Variants in BLTP1 observed in about 807,000 individuals in gnomAD.
The protein encoded by BLTP1 is fragile site-associated protein.
chr4:122,178,901 A>G, the BLTP1 span, among the ~76,000 whole-genome samples: 1 of 152,214 alleles, frequency 6.6e-6, no homozygotes, highest in African/African-American at 2.4e-5. Flanking sequence ...TTAAGGTTGA[A>G]CAAAATGCGT....
the BLTP1 span, chr4:122,210,812 C>CCTTGAAGA: frequency 1.9e-6 from 3 of 1,545,218 alleles, no homozygotes; most frequent in Admixed American, 4.1e-5. Flanking sequence ...GTGAATATTT[C>CCTTGAAGA]CTTGAAGATC....
chr4:122,232,060 G>A, the BLTP1 span: 68 of 985,320 alleles, frequency 6.9e-5, no homozygotes, highest in African/African-American at 1.1e-3. Context: ...AGCAAGGTGC[G>A]AATGGAACTA....
the BLTP1 span, among the ~76,000 whole-genome samples, chr4:122,283,058 T>C: frequency 1.3e-5 from 2 of 152,178 alleles, no homozygotes; most frequent in Non-Finnish European, 2.9e-5. Context: ...TTTCATGTAA[T>C]TGAATTTACC....
At chr4:122,298,637 A>AC in the BLTP1 span, 1 of 56,536 alleles carries the variant, frequency 1.8e-5, no homozygotes, top group Non-Finnish European at 2.1e-5. Flanking sequence ...TAAAAATTTT[A>AC]CTTACTTCTG....
At chr4:122,354,042 GATTT>G in the BLTP1 span, 1 of 1,600,930 alleles carries the variant, frequency 6.2e-7, no homozygotes, top group Non-Finnish European at 8.5e-7. Context: ...TCTTTGGAGA[GATTT>G]ATTTTGTTTT....
chr4:122,170,330 A>G, the BLTP1 span: 1 of 944,914 alleles, frequency 1.1e-6, no homozygotes, highest in Non-Finnish European at 1.3e-6. Context: ...AAAAAAAAAG[A>G]ATAATCACAT....
the BLTP1 span, chr4:122,325,582 T>A: frequency 8.7e-7 from 1 of 1,153,806 alleles, no homozygotes; most frequent in African/African-American, 1.6e-5. Context: ...TAGAAAGGTT[T>A]TTGTTGAATA....
At chr4:122,280,074 G>T in the BLTP1 span, 1 of 1,586,430 alleles carries the variant, frequency 6.3e-7, no homozygotes, top group Non-Finnish European at 8.5e-7. Flanking sequence ...GGAGATGAAG[G>T]GTTACTTCTA....
the BLTP1 span, chr4:122,349,300 G>A: frequency 3.1e-6 from 5 of 1,612,268 alleles, no homozygotes; most frequent in African/African-American, 6.7e-5. The surrounding 1 kb of genome is among the most constrained non-coding windows in gnomAD (Gnocchi z 4.5). Flanking sequence ...AGATGTCAAT[G>A]CTTTGGAGAT....
chr4:122,180,510 C>T, the BLTP1 span, among the ~76,000 whole-genome samples: 4 of 152,254 alleles, frequency 2.6e-5, no homozygotes, highest in African/African-American at 9.6e-5. Flanking sequence ...ATCCTCACAA[C>T]AACTCTAGTG....
the BLTP1 span, chr4:122,289,752 T>A: frequency 2.1e-6 from 2 of 972,248 alleles, no homozygotes; most frequent in Non-Finnish European, 2.4e-6. Flanking sequence ...GTTAAAAGAA[T>A]TTTTAAGCCA....
chr4:122,220,190 A>G, the BLTP1 span: 2 of 878,926 alleles, frequency 2.3e-6, no homozygotes, highest in East Asian at 5.5e-5. Context: ...GGTACAGAAT[A>G]GTTATTTTTC....
chr4:122,171,907 C>T, the BLTP1 span: 4 of 985,194 alleles, frequency 4.1e-6, no homozygotes, highest in Non-Finnish European at 4.8e-6. Flanking sequence ...CGATTCCTGG[C>T]TTGTTTAATA....
At chr4:122,298,724 G>C in the BLTP1 span, 1 of 435,288 alleles carries the variant, frequency 2.3e-6, no homozygotes, top group African/African-American at 2.1e-5. Flanking sequence ...AAGTTAAGTA[G>C]TATAAATAGA....
chr4:122,259,907 A>G, the BLTP1 span: 1 of 941,168 alleles, frequency 1.1e-6, no homozygotes. Context: ...ATAGACTCAC[A>G]TTGATACCCA....
chr4:122,188,305 T>TA, the BLTP1 span: 37 of 538,054 alleles, frequency 6.9e-5, no homozygotes, highest in African/African-American at 7.3e-4. Flanking sequence ...TGCATGATTA[T>TA]AACTATAATT....
At chr4:122,217,992 T>A in the BLTP1 span, among the ~76,000 whole-genome samples, 1 of 152,198 alleles carries the variant, frequency 6.6e-6, no homozygotes, top group Non-Finnish European at 1.5e-5. Context: ...TTTTCCAGTT[T>A]GTTCACCTAA....
chr4:122,352,820 A>G, the BLTP1 span: 1 of 1,533,690 alleles, frequency 6.5e-7, no homozygotes, highest in South Asian at 1.3e-5. Context: ...GACTGTAGAA[A>G]GTAGCCACTT....
the BLTP1 span, among the ~76,000 whole-genome samples, chr4:122,251,938 C>T: frequency 2.6e-5 from 4 of 152,132 alleles, no homozygotes; most frequent in Non-Finnish European, 4.4e-5. Flanking sequence ...ACCTGAGCTC[C>T]AGGATTGTGT....
Sources: gnomAD v4.1 joint callset for allele counts (sites outside exome capture counted in the v4.1 genomes callset) on GRCh38, gnomAD v4.1.1 for gene constraint, Gnocchi (gnomAD v3.1) non-coding constraint, MANE v1.5 for transcripts, NCBI Gene and HGNC (gene_info 2026-07-23, HGNC 2026-07-21) for gene names.